Variants in MYOM1 observed in about 807,000 individuals in gnomAD.
MYOM1 encodes myomesin 1, also known as myomesin-1.
A neutral mutation model predicts 205.3 loss-of-function variants in MYOM1; 164 were observed. The ratio of observed to expected loss-of-function variants is 0.80; its 90% CI spans 0.70 to 0.91. MYOM1 has a LOEUF of 0.91. MYOM1 is among the 40% of genes least tolerant of loss of function. MYOM1 has a pLI of 0.00. For missense variants in MYOM1, 2,011 were observed against 2,127.3 expected, an observed-to-expected ratio of 0.95 and a Z score of 1.08; for synonymous variants, 772 against 789.4, an observed-to-expected ratio of 0.98 and a Z score of 0.37.
chr18:3,079,264 G>GACA lies in MYOM1; in HGVS notation c.4562_4563insTGT (p.Pro1521_Thr1522insVal). 6.2e-7 allele frequency: 1 copy of GACA among 1,613,868 alleles called. No individual in the cohort carries two copies. Among genetic ancestry groups the GACA allele is most frequent in the Non-Finnish European group, 8.5e-7 (1 of 1,179,860 alleles). On this transcript the variant is annotated inframe_insertion, in exon 34 of 38. Coordinates refer to ENST00000356443, the MANE Select transcript of MYOM1 (RefSeq NM_003803.4). Reference sequence around the variant, plus strand: ...CATACTTCCCTTTGTCATTCGGGGTGGGCTCGTTGATTTGTAGCCAGATCT... The same window carrying GACA: ...CATACTTCCCTTTGTCATTCGGGGTGACAGGCTCGTTGATTTGTAGCCAGATCT...
At chr18:3,153,640 T>C (rs180853202) in intron 11 of MYOM1, among the ~76,000 whole-genome samples, 95 of 152,340 alleles carry the variant, frequency 6.2e-4, no homozygotes, top group Middle Eastern at 6.8e-3. Flanking sequence ...TGAAATGTTG[T>C]GGAAGCATTA....
rs1364241028 is a variant in MYOM1, at chr18:3,129,534, C to T, written c.2507-15G>A. 16 of 1,587,932 alleles carry T rather than the reference C, an allele frequency of 1.0e-5. No individual in the cohort carries two copies. The highest frequency in any genetic ancestry group is 1.2e-5 in the Non-Finnish European group (14 of 1,170,802). On this transcript the variant is annotated splice_polypyrimidine_tract_variant and intron_variant, in intron 17 of 37. Coordinates refer to ENST00000356443, the MANE Select transcript of MYOM1 (RefSeq NM_003803.4). Reference sequence around the variant, plus strand: ...CACTCCTCCCCCTACAGTTGCCAGACAACAACAGAAACGCATTGAGCCCGG... The same window carrying T: ...CACTCCTCCCCCTACAGTTGCCAGATAACAACAGAAACGCATTGAGCCCGG...
chr18:3,225,071 T>G, the MYOM1 span, among the ~76,000 whole-genome samples: 1 of 152,052 alleles, frequency 6.6e-6, no homozygotes, highest in African/African-American at 2.4e-5. Context: ...CACTGCAAGC[T>G]CCACCTCCCG....
At chr18:3,090,317 T>C (rs893323032) in intron 27 of MYOM1, among the ~76,000 whole-genome samples, 1 of 151,526 alleles carries the variant, frequency 6.6e-6, no homozygotes, top group Non-Finnish European at 1.5e-5. Context: ...CTTCCCGGGT[T>C]CAAATGATTC....
chr18:3,170,774 C>T (rs2080545363), intron 8 of MYOM1, among the ~76,000 whole-genome samples: 1 of 152,168 alleles, frequency 6.6e-6, no homozygotes. Context: ...TTTTCTTCCT[C>T]TCTTTCAGGT....
At chr18:3,141,187 G>A (rs746980066) in intron 14 of MYOM1, among the ~76,000 whole-genome samples, 10 of 152,252 alleles carry the variant, frequency 6.6e-5, no homozygotes, top group South Asian at 4.1e-4. Flanking sequence ...CAGTTCTGCC[G>A]AAATAATGTT....
chr18:3,214,896 C>T (rs532616251), intron 2 of MYOM1, 38 bp downstream of exon 2: 7 of 1,538,442 alleles, frequency 4.6e-6, no homozygotes, highest in Non-Finnish European at 5.2e-6. Flanking sequence ...CACGCCTCTT[C>T]CTGAGGTTGG....
chr18:3,067,661 G>A, intron 37 of MYOM1, 106 bp from the exon 38 acceptor site: 1 of 1,216,868 alleles, frequency 8.2e-7, no homozygotes, highest in East Asian at 2.4e-5. Context: ...GGGAGGATAA[G>A]TAAAAGCCTC....
upstream of MYOM1, among the ~76,000 whole-genome samples, chr18:3,220,887 G>A (rs9963511): frequency 0.14 from 21,447 of 152,214 alleles, 2,408 homozygotes; most frequent in African/African-American, 0.31. Context: ...AATATCAGCT[G>A]TTATTACTGA....
chr18:3,098,415 T>C (rs556446104), intron 25 of MYOM1, among the ~76,000 whole-genome samples: 20 of 152,018 alleles, frequency 1.3e-4, no homozygotes, highest in Admixed American at 5.9e-4. Flanking sequence ...GTAGCTGGGA[T>C]TACAGGCGCC....
the MYOM1 span, among the ~76,000 whole-genome samples, chr18:3,244,343 G>T: frequency 6.6e-6 from 1 of 152,180 alleles, no homozygotes; most frequent in African/African-American, 2.4e-5. Context: ...GCTATGGACT[G>T]AATTGTGTGT....
intron 10 of MYOM1, among the ~76,000 whole-genome samples, chr18:3,163,800 G>T (rs1380521189): frequency 6.6e-6 from 1 of 151,712 alleles, no homozygotes; most frequent in African/African-American, 2.4e-5. Context: ...TAATCTGCAA[G>T]AATTTCCTTT....
At chr18:3,235,935 T>C in the MYOM1 span, among the ~76,000 whole-genome samples, 1 of 152,086 alleles carries the variant, frequency 6.6e-6, no homozygotes, top group Non-Finnish European at 1.5e-5. Context: ...ATCAGGAACA[T>C]CAAATGCAAA....
rs541485466 is a variant in MYOM1, at chr18:3,104,512, G to A, written c.3419-1882C>T. 1.9e-4 allele frequency among the ~76,000 whole-genome samples: 28 copies of A among 149,932 alleles called. No individual in the cohort carries two copies. In the East Asian group the frequency reaches 5.5e-3, roughly 29 times the overall value. On this transcript the variant is annotated intron_variant, in intron 22 of 37. Coordinates refer to ENST00000356443, the MANE Select transcript of MYOM1 (RefSeq NM_003803.4). The stretch of plus-strand genomic sequence containing the variant: ...ATTGGTTAGCTTAAGAATCTTGATT[G>A]TGAAAGATTTGACTTTTCTGAAAAC...
chr18:3,149,106 A>C, intron 13 of MYOM1, 39 bp downstream of exon 13: 1 of 1,588,724 alleles, frequency 6.3e-7, no homozygotes, highest in African/African-American at 1.3e-5. Context: ...TGCTTAGCAA[A>C]ACATCAGCAA....
chr18:3,085,002 T>C (rs1421806772), intron 31 of MYOM1, 43 bp downstream of exon 31: 1 of 1,433,296 alleles, frequency 7.0e-7, no homozygotes, highest in East Asian at 2.4e-5. Context: ...GTAAGCTGTA[T>C]GCAGAAACAC....
intron 22 of MYOM1, among the ~76,000 whole-genome samples, chr18:3,108,974 CT>C (rs1030168708): frequency 2.6e-5 from 4 of 151,066 alleles, no homozygotes; most frequent in African/African-American, 9.7e-5. Flanking sequence ...TCAAATTTTC[CT>C]TTTTCTTTTT....
intron 19 of MYOM1, among the ~76,000 whole-genome samples, chr18:3,121,101 GAA>G (rs2079684293): frequency 6.6e-6 from 1 of 152,084 alleles, no homozygotes; most frequent in Non-Finnish European, 1.5e-5. Context: ...TCAAAAATGG[GAA>G]AGAGAGAAAA....
chr18:3,120,590 C>T (rs923860966), intron 19 of MYOM1, among the ~76,000 whole-genome samples: 4 of 152,144 alleles, frequency 2.6e-5, no homozygotes, highest in African/African-American at 7.2e-5. Context: ...CCTGAACAGA[C>T]GACCCTGCAA....
Sources: gnomAD v4.1 joint callset for allele counts (sites outside exome capture counted in the v4.1 genomes callset) on GRCh38, gnomAD v4.1.1 for gene constraint, MANE v1.5 for transcripts, NCBI Gene and HGNC (gene_info 2026-07-23, HGNC 2026-07-21) for gene names.